The following PPAT variants were observed in gnomAD, a reference collection of about 807,000 sequenced individuals.
The protein encoded by PPAT is amidophosphoribosyltransferase.
A neutral mutation model predicts 60.2 loss-of-function variants in PPAT; 20 were observed. That is an observed-to-expected ratio of 0.33 (90% CI 0.23 to 0.48). The LOEUF (loss-of-function observed/expected upper bound fraction) is 0.48. Ranked by LOEUF, PPAT falls within the 20% of genes least tolerant of loss-of-function variation. PPAT has a pLI of 0.99. For missense variants in PPAT, 349 were observed against 629.6 expected (o/e 0.55, Z 4.77); for synonymous variants, 194 against 215.1 (o/e 0.90, Z 0.86).
intron 1 of PPAT, 152 bp downstream of exon 1, chr4:56,435,198 A>T: frequency 8.6e-7 from 1 of 1,157,194 alleles, no homozygotes; most frequent in Non-Finnish European, 1.2e-6. Context: ...GTGCACGCCT[A>T]GGCAACCCGG....
chr4:56,398,087 G>A (rs992799502), intron 9 of PPAT, among the ~76,000 whole-genome samples: 4 of 152,082 alleles, frequency 2.6e-5, no homozygotes, highest in Admixed American at 6.6e-5. Flanking sequence ...AATATAACTT[G>A]GCCGGGCACG....
chr4:56,409,750 GGATA>G (rs1266006371), intron 1 of PPAT, among the ~76,000 whole-genome samples: 1 of 152,158 alleles, frequency 6.6e-6, no homozygotes, highest in Non-Finnish European at 1.5e-5. Context: ...ATATATATCA[GGATA>G]GAAACAAAAA....
At chr4:56,431,616 G>A in intron 1 of PPAT, 6 of 618,724 alleles carry the variant, frequency 9.7e-6, no homozygotes, top group Non-Finnish European at 1.2e-5. Flanking sequence ...CTAACCAGGA[G>A]AAGTGATAAT....
At chr4:56,425,955 T>G (rs966794419) in intron 1 of PPAT, among the ~76,000 whole-genome samples, 1 of 152,224 alleles carries the variant, frequency 6.6e-6, no homozygotes, top group African/African-American at 2.4e-5. Context: ...GTCTTTACTT[T>G]TCTATTCTCA....
intron 1 of PPAT, 27 bp downstream of exon 1, chr4:56,435,323 C>T: frequency 6.2e-7 from 1 of 1,612,654 alleles, no homozygotes. Context: ...AGACGCACGC[C>T]CCCGCCACCC....
At position 56,397,405 on chromosome 4, in the gene PPAT, C is replaced by T. The variant is rs377479772; in HGVS notation, c.1237-666G>A. ...ATTCCAGAGTAAGATGATCATAATC[C>T]TAAACACAGGTATAAAAAAGGCTGG... On this transcript the variant is annotated intron_variant, in intron 9 of 10. Transcript: ENST00000264220. Among the ~76,000 whole-genome samples the T allele has an allele frequency of 5.7e-4, 87 of 152,082 alleles. 2 individuals carry two copies. The East Asian group carries it at 0.012, about 21-fold the overall frequency.
chr4:56,431,212 T>G (rs1717567340), intron 1 of PPAT, among the ~76,000 whole-genome samples: 1 of 152,214 alleles, frequency 6.6e-6, no homozygotes, highest in Non-Finnish European at 1.5e-5. Flanking sequence ...TTTGATCATT[T>G]TCAGTCAAAT....
intron 1 of PPAT, among the ~76,000 whole-genome samples, chr4:56,432,656 G>C (rs991767361): frequency 6.6e-6 from 1 of 151,582 alleles, no homozygotes; most frequent in South Asian, 2.1e-4. Context: ...GTGGTGGGGG[G>C]CGCCTGTAGT....
At chr4:56,399,730 A>G (rs1451802226) in intron 8 of PPAT, 2 of 179,804 alleles carry the variant, frequency 1.1e-5, no homozygotes, top group Non-Finnish European at 2.3e-5. Context: ...AATGAATTAA[A>G]ATAAATAAAT....
intron 3 of PPAT, chr4:56,404,063 G>A (rs1331327330): frequency 6.7e-6 from 3 of 449,336 alleles, no homozygotes; most frequent in East Asian, 7.0e-5. Context: ...GGACTCCTGC[G>A]CTAATAGTAT....
At chr4:56,412,511 T>C (rs1242174943) in intron 1 of PPAT, among the ~76,000 whole-genome samples, 2 of 152,144 alleles carry the variant, frequency 1.3e-5, no homozygotes, top group Non-Finnish European at 2.9e-5. Context: ...CATGTTGCCC[T>C]GGCTGGTCTT....
Position 56,403,381 on chromosome 4 carries a change from A to T in PPAT, c.423T>A (p.Gly141=), listed in dbSNP as rs1165383531. 1 of 1,613,446 alleles carries T rather than the reference A, an allele frequency of 6.2e-7. No individual in the cohort carries two copies. Among genetic ancestry groups the T allele is most frequent in the East Asian group, 2.2e-5 (1 of 44,872 alleles). ...TTTCACTATCAGAACTTGTAGACAG[A>T]CCAATACCATGACGCAGAAGCTATA... ...LRKKLLRHGI[G]LSTSSDSEMI... is the part of the protein sequence containing the mutation. Residue 141 remains glycine, a synonymous_variant, in exon 4 of 11, where the codon GGT becomes GGA. Coordinates refer to ENST00000264220, the MANE Select transcript of PPAT (RefSeq NM_002703.5).
chr4:56,408,920 T>C (rs995592302), intron 1 of PPAT, among the ~76,000 whole-genome samples: 4 of 152,102 alleles, frequency 2.6e-5, no homozygotes, highest in Non-Finnish European at 5.9e-5. Context: ...GCGCTAACCT[T>C]GTATAAAAAA....
chr4:56,406,362 G>T, intron 3 of PPAT, 133 bp downstream of exon 3: 2 of 873,276 alleles, frequency 2.3e-6, no homozygotes, highest in South Asian at 1.7e-5. Context: ...TCATTCTGAT[G>T]CAATTGTTTG....
intron 1 of PPAT, among the ~76,000 whole-genome samples, chr4:56,425,080 T>C (rs1436195412): frequency 6.6e-6 from 1 of 152,160 alleles, no homozygotes; most frequent in South Asian, 2.1e-4. Context: ...TAGCAAAACA[T>C]ATTTCCAAAA....
chr4:56,406,603 T>G lies in PPAT; in HGVS notation c.294A>C (p.Gly98=). Residue 98 remains glycine (G), a synonymous_variant, in exon 3 of 11, where the codon GGA becomes GGC. Transcript: ENST00000264220. The part of the protein sequence containing the change: ...GIGHTRYATT[G]KCELENCQPF... Reference sequence around the variant, plus strand: ...GCTGACAATTTTCTAGTTCACATTTTCCTGTGGTGGCATACCTGGTGTGTC... The same window carrying G: ...GCTGACAATTTTCTAGTTCACATTTGCCTGTGGTGGCATACCTGGTGTGTC... 1.2e-6 allele frequency: 2 copies of G among 1,613,602 alleles called. No individual in the cohort carries two copies. The highest frequency in any genetic ancestry group is 1.3e-5 in the African/African-American group (1 of 75,032).
At chr4:56,404,913 G>C in intron 3 of PPAT, among the ~76,000 whole-genome samples, 1 of 152,088 alleles carries the variant, frequency 6.6e-6, no homozygotes, top group East Asian at 1.9e-4. Flanking sequence ...GAATTGCCCA[G>C]CTCTAGAATG....
At chr4:56,416,021 G>A (rs1392754952) in intron 1 of PPAT, among the ~76,000 whole-genome samples, 1 of 150,748 alleles carries the variant, frequency 6.6e-6, no homozygotes, top group East Asian at 2.0e-4. Context: ...AGTGAGCCGA[G>A]ATCACACCAC....
rs1396587611 is a variant in PPAT, at chr4:56,401,447, C to G, written c.769G>C (p.Glu257Gln). The G allele has an allele frequency of 1.2e-6, 2 of 1,605,014 alleles. No homozygotes were observed. Among genetic ancestry groups the G allele is most frequent in the Non-Finnish European group, 1.7e-6 (2 of 1,174,942 alleles). The part of the protein sequence containing the change: ...YREVLPGEIV[E>Q]ISRHNVQTLD... ...GTTTGGACATTGTGTCTGGATATTT[C>G]CACAATTTCTCCAGGCAAGACTTCA... Residue 257 changes from glutamate (E) to glutamine (Q), a missense_variant, in exon 7 of 11, where the codon GAA (glutamate) becomes CAA (glutamine). Physicochemically the swap from Glu to Gln is conservative, Grantham distance 29. Around this residue, in one of 5 missense-constraint regions of PPAT, gnomAD observed 167 missense variants for 328.6 expected, o/e 0.51. Coordinates refer to ENST00000264220, the MANE Select transcript of PPAT (RefSeq NM_002703.5).
Sources: allele counts gnomAD v4.1 joint callset (sites outside exome capture counted in the v4.1 genomes callset), GRCh38; gene constraint gnomAD v4.1.1; regional missense constraint gnomAD v4.1.1; transcripts MANE v1.5; gene names NCBI Gene and HGNC (gene_info 2026-07-23, HGNC 2026-07-21).